NUBPL: variants seen among roughly 807,000 people sequenced by gnomAD.
NUBPL encodes iron-sulfur cluster transfer protein NUBPL.
Under a neutral mutation model 45.7 loss-of-function variants are expected in NUBPL, and 31 were observed. The ratio of observed to expected loss-of-function variants is 0.68; its 90% CI spans 0.51 to 0.92. The LOEUF is 0.92. Among genes scored for constraint, NUBPL ranks in the 40% least tolerant of loss-of-function variants. The pLI is 0.00. For missense variants in NUBPL, 401 were observed against 398.7 expected (o/e 1.01, Z -0.05); for synonymous variants, 144 against 140.9 (o/e 1.02, Z -0.15).
At chr14:31,704,595 G>A (rs569795410) in intron 6 of NUBPL, among the ~76,000 whole-genome samples, 5 of 151,940 alleles carry the variant, frequency 3.3e-5, no homozygotes, top group East Asian at 1.9e-4. Context: ...CCTGGGAGGC[G>A]GAGGTTGCTG....
intron 4 of NUBPL, among the ~76,000 whole-genome samples, chr14:31,670,052 G>A (rs892935241): frequency 6.6e-6 from 1 of 152,018 alleles, no homozygotes; most frequent in South Asian, 2.1e-4. Flanking sequence ...TTGAGGAATT[G>A]CCATATGCTT....
intron 7 of NUBPL, among the ~76,000 whole-genome samples, chr14:31,813,824 T>A (rs138056817): frequency 6.6e-6 from 1 of 152,202 alleles, no homozygotes; most frequent in African/African-American, 2.4e-5. Context: ...CTGAAAATGA[T>A]GATTTCCAGC....
At chr14:31,677,332 C>T (rs949778375) in intron 6 of NUBPL, among the ~76,000 whole-genome samples, 3 of 152,116 alleles carry the variant, frequency 2.0e-5, no homozygotes, top group African/African-American at 7.2e-5. Flanking sequence ...ATTCCCTCCA[C>T]CCCCACCACC....
intron 8 of NUBPL, among the ~76,000 whole-genome samples, chr14:31,827,359 A>AC (rs1287652439): frequency 6.6e-6 from 1 of 151,916 alleles, no homozygotes; most frequent in Non-Finnish European, 1.5e-5. Context: ...TTAAAAAAAA[A>AC]AAAAAACTGG....
chr14:31,682,330 T>C (rs1324750801), intron 6 of NUBPL, among the ~76,000 whole-genome samples: 1 of 152,214 alleles, frequency 6.6e-6, no homozygotes, highest in Non-Finnish European at 1.5e-5. Context: ...GATACTAATA[T>C]AGCCACATTT....
At chr14:31,784,107 A>C (rs1484705116) in intron 6 of NUBPL, among the ~76,000 whole-genome samples, 1 of 152,188 alleles carries the variant, frequency 6.6e-6, no homozygotes, top group Admixed American at 6.5e-5. Flanking sequence ...TCCAGGAAAC[A>C]CAGACTCCAG....
At chr14:31,731,007 C>T (rs906539356) in intron 6 of NUBPL, among the ~76,000 whole-genome samples, 4 of 152,034 alleles carry the variant, frequency 2.6e-5, no homozygotes, top group Admixed American at 2.0e-4. Context: ...GAAAATGATA[C>T]ACTGGAATTG....
intron 6 of NUBPL, among the ~76,000 whole-genome samples, chr14:31,785,535 C>A (rs2138811808): frequency 6.6e-6 from 1 of 152,270 alleles, no homozygotes; most frequent in East Asian, 1.9e-4. Context: ...CTGCTCCCAT[C>A]CATGGAAAAA....
intron 6 of NUBPL, among the ~76,000 whole-genome samples, chr14:31,698,994 A>G (rs746606125): frequency 5.9e-5 from 9 of 151,902 alleles, no homozygotes; most frequent in Non-Finnish European, 1.2e-4. Flanking sequence ...AGCTGAGACT[A>G]CAGGCATGCA....
intron 6 of NUBPL, among the ~76,000 whole-genome samples, chr14:31,742,065 T>G (rs2038295918): frequency 6.6e-6 from 1 of 152,028 alleles, no homozygotes; most frequent in South Asian, 2.1e-4. Flanking sequence ...GAAGATACAC[T>G]TCAATAAATG....
At chr14:31,836,379 A>T (rs998609787) in intron 8 of NUBPL, among the ~76,000 whole-genome samples, 1 of 152,196 alleles carries the variant, frequency 6.6e-6, no homozygotes, top group Non-Finnish European at 1.5e-5. Context: ...CAGTGGTATT[A>T]TGTAAATTAA....
intron 4 of NUBPL, among the ~76,000 whole-genome samples, chr14:31,609,203 A>G (rs947379588): frequency 2.0e-5 from 3 of 152,174 alleles, no homozygotes; most frequent in African/African-American, 7.2e-5. Context: ...AAAGACACAC[A>G]TAGACTGAAA....
In NUBPL at chr14:31,745,044, T is replaced by A. The variant is rs113150400; in HGVS notation, c.514-42736T>A. On this transcript the variant is annotated intron_variant, in intron 6 of 10. Transcript: ENST00000281081. ...CCCTTTAGGTCTAGGTTATTTCTTT[T>A]TTTTTATTTTTATTTTTATTATTAT... 7.1e-3 allele frequency among the ~76,000 whole-genome samples: 1,072 copies of A among 150,560 alleles called. 10 individuals carry two copies. Among genetic ancestry groups the A allele is most frequent in the African/African-American group, 0.024 (994 of 41,182 alleles).
intron 4 of NUBPL, among the ~76,000 whole-genome samples, chr14:31,646,224 C>T (rs913026238): frequency 8.4e-4 from 127 of 151,960 alleles, no homozygotes; most frequent in African/African-American, 2.7e-3. Flanking sequence ...TCTTGCTCTA[C>T]TGCCCACGCT....
intron 3 of NUBPL, among the ~76,000 whole-genome samples, chr14:31,588,597 ATTT>A (rs71427207): frequency 1.3e-5 from 2 of 151,160 alleles, no homozygotes; most frequent in Admixed American, 6.6e-5. Flanking sequence ...TAATATGTTA[ATTT>A]TTTTTTTTTA....
chr14:31,604,298 T>C (rs1167697906), intron 4 of NUBPL, among the ~76,000 whole-genome samples: 1 of 152,166 alleles, frequency 6.6e-6, no homozygotes, highest in Non-Finnish European at 1.5e-5. Flanking sequence ...ATGCAACTTA[T>C]AAATTATTTT....
intron 4 of NUBPL, among the ~76,000 whole-genome samples, chr14:31,601,974 G>A (rs1361366284): frequency 2.0e-5 from 3 of 152,184 alleles, no homozygotes; most frequent in Non-Finnish European, 4.4e-5. Context: ...CAATAGCAAA[G>A]ACTTGGAACC....
At chr14:31,717,160 T>A (rs1008002944) in intron 6 of NUBPL, among the ~76,000 whole-genome samples, 3 of 152,166 alleles carry the variant, frequency 2.0e-5, no homozygotes, top group Admixed American at 6.5e-5. Flanking sequence ...GGGCACATTT[T>A]CCCACTTCTA....
chr14:31,614,034 G>C lies in NUBPL; in HGVS notation c.382+14655G>C, dbSNP rs552827501. 1.9e-4 allele frequency among the ~76,000 whole-genome samples: 29 copies of C among 151,932 alleles called. No homozygotes were observed. The South Asian group carries it at 6.0e-3, about 32-fold the overall frequency. On this transcript the variant is annotated intron_variant, in intron 4 of 10. Coordinates refer to ENST00000281081, the MANE Select transcript of NUBPL (RefSeq NM_025152.3). Reference sequence around the variant, plus strand: ...TTTTGATTTTTAAAATATAAAATTTGGTAGTATCAAAGTCCAGAACTGAAA... The same window carrying C: ...TTTTGATTTTTAAAATATAAAATTTCGTAGTATCAAAGTCCAGAACTGAAA...
Sources: allele counts gnomAD v4.1 joint callset (sites outside exome capture counted in the v4.1 genomes callset), GRCh38; gene constraint gnomAD v4.1.1; transcripts MANE v1.5; gene names NCBI Gene and HGNC (gene_info 2026-07-23, HGNC 2026-07-21).